The following SPMAP2L variants were observed in gnomAD, a reference collection of about 807,000 sequenced individuals.
SPMAP2L encodes the protein sperm microtubule associated protein 2 like.
the SPMAP2L span, among the ~76,000 whole-genome samples, chr4:56,618,852 A>G: frequency 1.3e-5 from 2 of 152,198 alleles, no homozygotes; most frequent in Non-Finnish European, 2.9e-5. Flanking sequence ...TGAAAAATTG[A>G]ATCATTTGAT....
chr4:56,622,797 G>A, the SPMAP2L span, among the ~76,000 whole-genome samples: 1 of 152,202 alleles, frequency 6.6e-6, no homozygotes, highest in East Asian at 1.9e-4. Context: ...TTGAATCATG[G>A]CCATAAACTC....
chr4:56,610,004 A>T, the SPMAP2L span, among the ~76,000 whole-genome samples: 1 of 152,250 alleles, frequency 6.6e-6, no homozygotes, highest in African/African-American at 2.4e-5. Context: ...TAGAGTGAAT[A>T]TTGTGAAAAT....
the SPMAP2L span, among the ~76,000 whole-genome samples, chr4:56,560,167 A>AT: frequency 6.6e-6 from 1 of 152,108 alleles, no homozygotes; most frequent in East Asian, 1.9e-4. Context: ...AGAAGCCATT[A>AT]TTTTTTCAAG....
At chr4:56,616,439 G>C in the SPMAP2L span, among the ~76,000 whole-genome samples, 5 of 152,174 alleles carry the variant, frequency 3.3e-5, no homozygotes, top group Admixed American at 6.5e-5. Context: ...ACACAAGTCA[G>C]CTCCTAAGAG....
At chr4:56,580,432 T>C in the SPMAP2L span, among the ~76,000 whole-genome samples, 3 of 152,164 alleles carry the variant, frequency 2.0e-5, no homozygotes, top group African/African-American at 7.2e-5. Context: ...GATACTTTTA[T>C]GATAAAAATG....
the SPMAP2L span, chr4:56,595,138 C>T: frequency 6.2e-7 from 1 of 1,611,464 alleles, no homozygotes; most frequent in South Asian, 1.1e-5. Context: ...GGGCCTTAAA[C>T]AAGCCACGGA....
chr4:56,597,578 G>T, the SPMAP2L span, among the ~76,000 whole-genome samples: 1 of 152,174 alleles, frequency 6.6e-6, no homozygotes, highest in Non-Finnish European at 1.5e-5. Context: ...ACTCTTGGAC[G>T]AGTGTCTTAA....
chr4:56,530,682 G>C, the SPMAP2L span: 1 of 1,534,360 alleles, frequency 6.5e-7, no homozygotes, highest in Non-Finnish European at 8.7e-7. Context: ...CGCGAATGGA[G>C]AACCAAGAGT....
chr4:56,537,507 A>C, the SPMAP2L span, among the ~76,000 whole-genome samples: 1 of 152,174 alleles, frequency 6.6e-6, no homozygotes, highest in African/African-American at 2.4e-5. Flanking sequence ...CCATCTAAGA[A>C]AATATCTTGA....
the SPMAP2L span, among the ~76,000 whole-genome samples, chr4:56,535,174 C>G: frequency 6.6e-6 from 1 of 152,186 alleles, no homozygotes; most frequent in South Asian, 2.1e-4. Flanking sequence ...ATGGCCATTT[C>G]TTAACATTTA....
At chr4:56,555,439 T>A in the SPMAP2L span, among the ~76,000 whole-genome samples, 1 of 152,206 alleles carries the variant, frequency 6.6e-6, no homozygotes, top group Non-Finnish European at 1.5e-5. Context: ...ATGTTGACTA[T>A]TCTGGGTCTT....
chr4:56,539,510 C>T, the SPMAP2L span, among the ~76,000 whole-genome samples: 10 of 152,304 alleles, frequency 6.6e-5, no homozygotes, highest in East Asian at 1.5e-3. Context: ...CAACCTCTGC[C>T]TCCCAGGTTC....
chr4:56,602,343 A>G, the SPMAP2L span, among the ~76,000 whole-genome samples: 1 of 152,138 alleles, frequency 6.6e-6, no homozygotes, highest in Admixed American at 6.5e-5. Flanking sequence ...TAATGTGTTT[A>G]TCCTTTAAAA....
chr4:56,556,469 G>A, the SPMAP2L span, among the ~76,000 whole-genome samples: 37,937 of 152,160 alleles, frequency 0.25, 6,010 homozygotes, highest in Non-Finnish European at 0.32. Context: ...TCATGCAGAT[G>A]ATTTTGAGAC....
the SPMAP2L span, among the ~76,000 whole-genome samples, chr4:56,566,837 C>T: frequency 6.6e-6 from 1 of 151,540 alleles, no homozygotes; most frequent in African/African-American, 2.4e-5. Context: ...GCTGGGATTA[C>T]AGGCATGCGC....
At chr4:56,610,600 C>T in the SPMAP2L span, among the ~76,000 whole-genome samples, 1 of 152,074 alleles carries the variant, frequency 6.6e-6, no homozygotes. Context: ...AGATAAATAG[C>T]TGGGACTTAA....
chr4:56,533,960 A>C, the SPMAP2L span, among the ~76,000 whole-genome samples: 1 of 151,976 alleles, frequency 6.6e-6, no homozygotes, highest in Non-Finnish European at 1.5e-5. Flanking sequence ...TCAAGAACAA[A>C]AACAAAAACT....
the SPMAP2L span, among the ~76,000 whole-genome samples, chr4:56,541,393 T>A: frequency 6.6e-6 from 1 of 152,208 alleles, no homozygotes; most frequent in East Asian, 1.9e-4. Flanking sequence ...AAAACAGTTT[T>A]ATTAATTTTT....
At chr4:56,579,685 C>T in the SPMAP2L span, among the ~76,000 whole-genome samples, 5 of 152,244 alleles carry the variant, frequency 3.3e-5, no homozygotes, top group African/African-American at 1.2e-4. Context: ...GGGAGAATCA[C>T]ATAAGCCCAG....
Sources: gnomAD v4.1 joint callset for allele counts (sites outside exome capture counted in the v4.1 genomes callset) on GRCh38, gnomAD v4.1.1 for gene constraint, MANE v1.5 for transcripts, NCBI Gene and HGNC (gene_info 2026-07-23, HGNC 2026-07-21) for gene names.